The following TEKT5 variants were observed in gnomAD, a reference collection of about 807,000 sequenced individuals.
The protein encoded by TEKT5 is tektin-5.
A neutral mutation model predicts 48.7 loss-of-function variants in TEKT5; 52 were observed. The ratio of observed to expected loss-of-function variants is 1.07; its 90% confidence interval spans 0.86 to 1.35. TEKT5 has a LOEUF of 1.35. Among genes scored for constraint, TEKT5 ranks in the 40% most tolerant of loss-of-function variants. The pLI is 0.00. For synonymous variants in TEKT5, 318 were observed against 267.6 expected, an observed-to-expected ratio of 1.19 and a Z score of -1.84; for missense variants, 831 against 641.6, an observed-to-expected ratio of 1.30 and a Z score of -3.19.
Position 10,674,124 on chromosome 16 carries a change from C to T in TEKT5, c.1086+1835G>A, listed in dbSNP as rs188646670. ...CAGGCCTACCCAGACCCACCTGCCC[C>T]TTCCTCCAGCTTCATCCCGGACGCT... On this transcript the variant is annotated intron_variant, in intron 5 of 6. Coordinates refer to ENST00000283025, the MANE Select transcript of TEKT5 (RefSeq NM_144674.2). Among the ~76,000 whole-genome samples, 11 of 152,260 alleles carry T rather than the reference C, an allele frequency of 7.2e-5. No homozygotes were observed. The East Asian group carries it at 1.9e-3, about 27-fold the overall frequency.
intron 5 of TEKT5, among the ~76,000 whole-genome samples, chr16:10,649,732 G>C (rs1031212121): frequency 1.3e-5 from 2 of 152,160 alleles, no homozygotes; most frequent in African/African-American, 4.8e-5. Flanking sequence ...CACTGCACTC[G>C]GCCTATTTTT....
intron 2 of TEKT5, 86 bp downstream of exon 2, chr16:10,689,856 T>C: frequency 7.4e-7 from 1 of 1,345,388 alleles, no homozygotes; most frequent in Non-Finnish European, 1.0e-6. Flanking sequence ...TGGCTTCTGC[T>C]CCTGACAGGT....
chr16:10,652,036 G>A (rs1898167704), intron 5 of TEKT5, among the ~76,000 whole-genome samples: 4 of 151,988 alleles, frequency 2.6e-5, no homozygotes, highest in African/African-American at 9.7e-5. Flanking sequence ...CATCCAAGCT[G>A]GGGGGCCTTG....
At chr16:10,659,963 TTAA>T (rs1260144673) in intron 5 of TEKT5, among the ~76,000 whole-genome samples, 1 of 152,206 alleles carries the variant, frequency 6.6e-6, no homozygotes, top group African/African-American at 2.4e-5. Context: ...GAATTTCACC[TTAA>T]TAAAGGAAAA....
Position 10,682,109 on chromosome 16 carries a change from C to T in TEKT5, c.747G>A (p.Leu249=), listed in dbSNP as rs369228977. Residue 249 remains leucine, a synonymous_variant, in exon 4 of 7, where the codon CTG becomes CTA. Coordinates refer to ENST00000283025, the MANE Select transcript of TEKT5 (RefSeq NM_144674.2). The part of the protein sequence containing the change: ...MRDNRDAQHV[L]ERDLEDKSSA... Reference sequence around the variant, plus strand: ...AGCTTTTGTCTTCGAGGTCCCTCTCCAGCACGTGCTGAGCATCCCGGTTAT... The same window carrying T: ...AGCTTTTGTCTTCGAGGTCCCTCTCTAGCACGTGCTGAGCATCCCGGTTAT... 3.3e-5 allele frequency: 53 copies of T among 1,614,168 alleles called. No individual in the cohort carries two copies. The highest frequency in any genetic ancestry group is 3.0e-4 in the Admixed American group (18 of 60,026).
At chr16:10,690,278 C>T (rs1289711733) in intron 1 of TEKT5, among the ~76,000 whole-genome samples, 2 of 152,174 alleles carry the variant, frequency 1.3e-5, no homozygotes, top group Non-Finnish European at 2.9e-5. Context: ...AAAGTAGCAT[C>T]CCAAGAACCA....
chr16:10,679,454 T>TAAA (rs60522817), intron 4 of TEKT5, among the ~76,000 whole-genome samples: 14 of 120,270 alleles, frequency 1.2e-4, no homozygotes, highest in Admixed American at 1.0e-3. Flanking sequence ...AGACTCTGTC[T>TAAA]AAAAAAAAAA....
intron 3 of TEKT5, among the ~76,000 whole-genome samples, chr16:10,684,426 G>A (rs1168924009): frequency 1.3e-5 from 2 of 149,460 alleles, no homozygotes; most frequent in Non-Finnish European, 3.0e-5. Flanking sequence ...TGTGGATGTT[G>A]GTTGCGGGTG....
At chr16:10,631,802 G>C (rs1242360225) in intron 6 of TEKT5, among the ~76,000 whole-genome samples, 2 of 152,190 alleles carry the variant, frequency 1.3e-5, no homozygotes, top group Non-Finnish European at 2.9e-5. Context: ...GGAGCTGGGA[G>C]AGTGGAAGGG....
At chr16:10,660,761 C>G (rs2142286203) in intron 5 of TEKT5, among the ~76,000 whole-genome samples, 1 of 151,888 alleles carries the variant, frequency 6.6e-6, no homozygotes, top group South Asian at 2.1e-4. Flanking sequence ...AGTGCAGTGG[C>G]ATGATCTCAG....
intron 5 of TEKT5, among the ~76,000 whole-genome samples, chr16:10,637,231 T>A (rs1324942256): frequency 6.6e-6 from 1 of 151,902 alleles, no homozygotes; most frequent in African/African-American, 2.4e-5. Flanking sequence ...AGATGGGGTT[T>A]CGCCATGTTG....
chr16:10,649,447 T>C (rs1898119637), intron 5 of TEKT5, among the ~76,000 whole-genome samples: 1 of 152,036 alleles, frequency 6.6e-6, no homozygotes, highest in Admixed American at 6.6e-5. Context: ...TAATTTTCTT[T>C]TTCTTTTTAA....
chr16:10,677,945 C>T (rs2142303805), intron 4 of TEKT5, among the ~76,000 whole-genome samples: 1 of 152,230 alleles, frequency 6.6e-6, no homozygotes, highest in African/African-American at 2.4e-5. Flanking sequence ...TGGACACAGG[C>T]TACATTAGCA....
At chr16:10,682,416 C>G (rs951934848) in intron 3 of TEKT5, among the ~76,000 whole-genome samples, 1 of 152,166 alleles carries the variant, frequency 6.6e-6, no homozygotes, top group South Asian at 2.1e-4. Context: ...CAGCCTTGAC[C>G]TCCCAGGCTC....
chr16:10,683,791 T>C (rs1290843210), intron 3 of TEKT5, among the ~76,000 whole-genome samples: 3 of 152,114 alleles, frequency 2.0e-5, no homozygotes, highest in Non-Finnish European at 4.4e-5. Context: ...TGGGGTTTCA[T>C]CATGTTAGCC....
intron 5 of TEKT5, among the ~76,000 whole-genome samples, chr16:10,662,024 T>A (rs1015795787): frequency 1.3e-5 from 2 of 152,198 alleles, no homozygotes; most frequent in East Asian, 3.8e-4. Flanking sequence ...CTATCTTTTT[T>A]CCTTTCTCTC....
chr16:10,656,441 C>T (rs930386371), intron 5 of TEKT5, among the ~76,000 whole-genome samples: 2 of 151,802 alleles, frequency 1.3e-5, no homozygotes, highest in Non-Finnish European at 2.9e-5. Flanking sequence ...TTCTTAGAGA[C>T]AGGGTCTCAC....
intron 1 of TEKT5, among the ~76,000 whole-genome samples, chr16:10,690,908 G>C (rs1007693998): frequency 2.6e-5 from 4 of 152,204 alleles, no homozygotes; most frequent in Non-Finnish European, 5.9e-5. Context: ...GGGGGTCACT[G>C]ACCCGTGCCA....
At chr16:10,628,977 C>T (rs1420440466) in intron 6 of TEKT5, among the ~76,000 whole-genome samples, 2 of 150,476 alleles carry the variant, frequency 1.3e-5, no homozygotes, top group Non-Finnish European at 2.9e-5. Context: ...AAACATGATG[C>T]TAAATAAAGG....
Sources: allele counts gnomAD v4.1 joint callset (sites outside exome capture counted in the v4.1 genomes callset), GRCh38; gene constraint gnomAD v4.1.1; transcripts MANE v1.5; gene names NCBI Gene and HGNC (gene_info 2026-07-23, HGNC 2026-07-21).